METTL15: variants seen among roughly 807,000 people sequenced by gnomAD.
The protein encoded by METTL15 is methyltransferase 15, mitochondrial 12S rRNA N4-cytidine, also known as 12S rRNA N(4)-cytidine methyltransferase METTL15.
In METTL15, 34 loss-of-function variants were observed where a neutral mutation model predicts 38.3. That is an observed-to-expected ratio of 0.89 (90% CI 0.68 to 1.18). The LOEUF is 1.18. METTL15 is among the 50% of genes most tolerant of loss of function. METTL15 has a pLI of 0.00. For missense variants in METTL15, 438 were observed against 498.4 expected (o/e 0.88, Z 1.15); for synonymous variants, 162 against 170.9 (o/e 0.95, Z 0.41).
chr11:28,420,546 T>A (rs536862456), intron 5 of METTL15, among the ~76,000 whole-genome samples: 1 of 152,212 alleles, frequency 6.6e-6, no homozygotes, highest in East Asian at 1.9e-4. Flanking sequence ...GGAATAAAAC[T>A]AGCAATCAAT....
chr11:28,461,422 C>T (rs1197758888), intron 6 of METTL15, among the ~76,000 whole-genome samples: 1 of 152,028 alleles, frequency 6.6e-6, no homozygotes, highest in Non-Finnish European at 1.5e-5. Flanking sequence ...GCATCCTTGT[C>T]CTTTATTCAC....
intron 4 of METTL15, among the ~76,000 whole-genome samples, chr11:28,269,451 A>G (rs1855558684): frequency 6.6e-6 from 1 of 152,082 alleles, no homozygotes. Context: ...AAGCTTTTTT[A>G]AAAGTTTCTT....
At chr11:28,186,761 A>G (rs1225324210) in intron 3 of METTL15, among the ~76,000 whole-genome samples, 1 of 151,160 alleles carries the variant, frequency 6.6e-6, no homozygotes, top group Non-Finnish European at 1.5e-5. Flanking sequence ...CTATTGTAAT[A>G]TAACATTTTT....
chr11:28,129,650 T>G (rs1426186689), intron 3 of METTL15, among the ~76,000 whole-genome samples: 1 of 152,140 alleles, frequency 6.6e-6, no homozygotes, highest in Non-Finnish European at 1.5e-5. Context: ...CCTCAAGTGG[T>G]CTGTCTGTCT....
chr11:28,183,035 C>G (rs1438455620), intron 3 of METTL15, among the ~76,000 whole-genome samples: 1 of 152,028 alleles, frequency 6.6e-6, no homozygotes, highest in African/African-American at 2.4e-5. Context: ...AATGGGAGTT[C>G]ACTCAATATT....
chr11:28,353,950 A>C (rs893089220), intron 4 of METTL15, among the ~76,000 whole-genome samples: 13 of 151,796 alleles, frequency 8.6e-5, no homozygotes, highest in Admixed American at 6.6e-4. Context: ...AAAAAAAAAA[A>C]AAAGGTGTCA....
chr11:28,297,606 T>C (rs1401884666), intron 6 of METTL15, among the ~76,000 whole-genome samples: 1 of 152,142 alleles, frequency 6.6e-6, no homozygotes, highest in Non-Finnish European at 1.5e-5. Flanking sequence ...TATTATAGCC[T>C]CTCTGTTTGA....
At chr11:28,146,233 A>T (rs911820654) in intron 3 of METTL15, among the ~76,000 whole-genome samples, 6 of 152,072 alleles carry the variant, frequency 3.9e-5, no homozygotes, top group African/African-American at 1.4e-4. Context: ...TTAACTAAGA[A>T]GGTTGGTGAA....
intron 5 of METTL15, among the ~76,000 whole-genome samples, chr11:28,417,578 A>T (rs1025749887): frequency 6.6e-6 from 1 of 152,194 alleles, no homozygotes; most frequent in Non-Finnish European, 1.5e-5. Context: ...GTTACATATG[A>T]TTGGCAGTAG....
At chr11:28,464,510 T>G (rs1192920469) in intron 6 of METTL15, among the ~76,000 whole-genome samples, 2 of 152,186 alleles carry the variant, frequency 1.3e-5, no homozygotes, top group Non-Finnish European at 2.9e-5. Context: ...AGGGTCATAG[T>G]TTACCATCTC....
chr11:28,234,625 G>C (rs1313948062), intron 4 of METTL15, among the ~76,000 whole-genome samples: 1 of 147,624 alleles, frequency 6.8e-6, no homozygotes, highest in African/African-American at 2.5e-5. Context: ...GTCTGTTCAT[G>C]TCCTTCACCC....
intron 4 of METTL15, among the ~76,000 whole-genome samples, chr11:28,271,167 A>G (rs1262664605): frequency 6.6e-6 from 1 of 152,164 alleles, no homozygotes; most frequent in Non-Finnish European, 1.5e-5. Context: ...CTGGTCACAC[A>G]GCATTTCTGG....
intron 6 of METTL15, among the ~76,000 whole-genome samples, chr11:28,475,693 TTTC>T (rs916698774): frequency 9.9e-5 from 15 of 152,208 alleles, no homozygotes; most frequent in Admixed American, 7.2e-4. Context: ...TAGTTGAGAT[TTTC>T]TTCTACTTAC....
At chr11:28,116,378 G>T (rs1851958234) in intron 3 of METTL15, among the ~76,000 whole-genome samples, 1 of 152,174 alleles carries the variant, frequency 6.6e-6, no homozygotes, top group Admixed American at 6.5e-5. Flanking sequence ...TCAGAAATGT[G>T]ATCCCTTATT....
intron 4 of METTL15, among the ~76,000 whole-genome samples, chr11:28,212,061 C>T (rs958297662): frequency 4.6e-5 from 7 of 151,886 alleles, no homozygotes; most frequent in East Asian, 1.9e-4. Context: ...TGGTGAAGTT[C>T]GAAAAGTATG....
chr11:28,444,732 G>A (rs748377460), intron 6 of METTL15, among the ~76,000 whole-genome samples: 45 of 152,248 alleles, frequency 3.0e-4, no homozygotes, highest in Middle Eastern at 3.4e-3. Flanking sequence ...GCATGAGGAT[G>A]GCTCTCATAA....
Position 28,238,027 on chromosome 11 carries a change from C to G in METTL15, c.407+26829C>G, listed in dbSNP as rs370089662. On this transcript the variant is annotated intron_variant, in intron 4 of 6. Coordinates refer to ENST00000407364, the MANE Select transcript of METTL15 (RefSeq NM_001113528.2). ...AGTCTGCCCCTGCTGGAGGGTGCCT[C>G]CCAGTTAGGCTGCTCGGGGGTCAGG... Among the ~76,000 whole-genome samples the G allele has an allele frequency of 4.2e-3, 635 of 152,300 alleles. 5 individuals are homozygous for G. Among genetic ancestry groups the G allele is most frequent in the East Asian group, 0.037 (189 of 5,174 alleles).
At chr11:28,111,932 A>T (rs1161221659) in intron 2 of METTL15, among the ~76,000 whole-genome samples, 1 of 152,114 alleles carries the variant, frequency 6.6e-6, no homozygotes, top group Non-Finnish European at 1.5e-5. Context: ...CTGCCAAGCA[A>T]CCAAAAATCT....
At chr11:28,255,007 T>A (rs1261251247) in intron 4 of METTL15, among the ~76,000 whole-genome samples, 1 of 152,156 alleles carries the variant, frequency 6.6e-6, no homozygotes, top group Non-Finnish European at 1.5e-5. Flanking sequence ...GTGAAGAATG[T>A]CTTTGATATT....
Sources: allele counts gnomAD v4.1 joint callset (sites outside exome capture counted in the v4.1 genomes callset), GRCh38; gene constraint gnomAD v4.1.1; transcripts MANE v1.5; gene names NCBI Gene and HGNC (gene_info 2026-07-23, HGNC 2026-07-21).